PKD1L1: variants seen among roughly 807,000 people sequenced by gnomAD.
The protein encoded by PKD1L1 is polycystin-1-like protein 1.
PKD1L1 carries 236 observed loss-of-function variants against 323.4 expected under a neutral mutation model. The ratio of observed to expected loss-of-function variants is 0.73; its 90% CI spans 0.66 to 0.81. The LOEUF (loss-of-function observed/expected upper bound fraction) is 0.81. Among genes scored for constraint, PKD1L1 ranks in the 40% least tolerant of loss-of-function variants. PKD1L1 has a pLI of 0.00. For missense variants in PKD1L1, 3,320 were observed against 3,508.0 expected (o/e 0.95, Z 1.35); for synonymous variants, 1,344 against 1,335.0 (o/e 1.01, Z -0.15).
chr7:47,876,362 C>A, intron 22 of PKD1L1, 145 bp from the exon 23 acceptor site: 1 of 928,926 alleles, frequency 1.1e-6, no homozygotes, highest in Non-Finnish European at 1.6e-6. Flanking sequence ...GTAAGCAGCA[C>A]TCCCAGCTGC....
At chr7:47,830,206 C>A (rs1785317420) in intron 42 of PKD1L1, 82 bp from the exon 43 acceptor site, 2 of 1,227,490 alleles carry the variant, frequency 1.6e-6, no homozygotes, top group Non-Finnish European at 2.4e-6. Context: ...AGCACAGGGA[C>A]ACTGCCTGAG....
rs749023936 is a variant in PKD1L1 at position 47,839,348 on chromosome 7, A to T, written c.5769+98T>A. 4 of 880,574 alleles carry T rather than the reference A, an allele frequency of 4.5e-6. No homozygotes were observed. The highest frequency in any genetic ancestry group is 7.0e-6 in the Non-Finnish European group (4 of 573,948). The allele number at this position is 880,574 out of a possible 1,614,324, so 54.5% of individuals were successfully genotyped here. ...AGAAAAGAGGAATACACTTTAGAAG[A>T]GTTCAAAGACACAACTGTGGCAAGC... On this transcript the variant is annotated intron_variant, in intron 36 of 56. Coordinates refer to ENST00000289672, the MANE Select transcript of PKD1L1 (RefSeq NM_138295.5). This position sits in a 1 kb window ranked among gnomAD's most constrained non-coding sequence, Gnocchi z 4.3.
chr7:47,816,266 C>T (rs1785016735), intron 46 of PKD1L1, among the ~76,000 whole-genome samples: 1 of 152,186 alleles, frequency 6.6e-6, no homozygotes, highest in Admixed American at 6.5e-5. Flanking sequence ...CAATTAACTT[C>T]TTCATTATGT....
At chr7:47,850,353 C>T (rs557064252) in intron 31 of PKD1L1, among the ~76,000 whole-genome samples, 11 of 152,138 alleles carry the variant, frequency 7.2e-5, no homozygotes, top group Non-Finnish European at 1.2e-4. Flanking sequence ...AAAATGGGGA[C>T]GGGCGCCGTG....
At chr7:47,788,114 T>C (rs1389360988) in intron 56 of PKD1L1, among the ~76,000 whole-genome samples, 2 of 152,088 alleles carry the variant, frequency 1.3e-5, no homozygotes, top group African/African-American at 2.4e-5. Flanking sequence ...ACTTGAGCTA[T>C]ATTCCTATTT....
upstream of PKD1L1, among the ~76,000 whole-genome samples, chr7:47,949,089 G>T (rs1164729559): frequency 6.6e-6 from 1 of 152,004 alleles, no homozygotes; most frequent in Non-Finnish European, 1.5e-5. Flanking sequence ...TGTAACTGTT[G>T]GCTGGGCGCG....
intron 1 of PKD1L1, among the ~76,000 whole-genome samples, chr7:47,948,038 C>A (rs1189159871): frequency 6.6e-6 from 1 of 152,164 alleles, no homozygotes; most frequent in Non-Finnish European, 1.5e-5. Context: ...CTCCTGGTCT[C>A]CATGCAAGGG....
intron 46 of PKD1L1, 67 bp downstream of exon 46, chr7:47,821,009 A>T: frequency 1.1e-6 from 1 of 896,744 alleles, no homozygotes; most frequent in Non-Finnish European, 1.8e-6. Context: ...AAACATGGGG[A>T]AGGTGCACAC....
chr7:47,951,195 C>CA (rs1246056024), upstream of PKD1L1, among the ~76,000 whole-genome samples: 2 of 152,118 alleles, frequency 1.3e-5, no homozygotes, highest in Non-Finnish European at 2.9e-5. Flanking sequence ...CATTTAGAAA[C>CA]AAAGACTCGA....
intron 24 of PKD1L1, among the ~76,000 whole-genome samples, chr7:47,868,480 AC>A (rs766484347): frequency 2.6e-4 from 40 of 152,238 alleles, no homozygotes; most frequent in Non-Finnish European, 4.6e-4. Context: ...ACTTAAAGCC[AC>A]AGGAAGATAT....
rs571756094 is a variant in PKD1L1, at chr7:47,920,195, A to G, written c.1061-4596T>C. Among the ~76,000 whole-genome samples the G allele has an allele frequency of 2.2e-4, 34 of 152,100 alleles. 2 individuals are homozygous for G. In the South Asian group the frequency reaches 6.9e-3, roughly 31 times the overall value. ...GGATACAAAACTAATGTACACAATC[A>G]GTAGGTCTTCTATACATCAACAGAG... On this transcript the variant is annotated intron_variant, in intron 7 of 56. Transcript: ENST00000289672.
intron 2 of PKD1L1, among the ~76,000 whole-genome samples, chr7:47,942,550 G>A (rs914344842): frequency 6.6e-6 from 1 of 150,868 alleles, no homozygotes; most frequent in African/African-American, 2.4e-5. Flanking sequence ...TGTAGCCTAA[G>A]TTGAAAACTC....
In PKD1L1 at chr7:47,905,305, C is replaced by T; in HGVS notation, c.1543G>A (p.Gly515Arg). The change falls in exon 11 of 57, where the codon GGA becomes AGA. Residue 515 changes from glycine to arginine, a missense_variant. Gly to Arg is a moderately radical substitution (Grantham distance 125, BLOSUM62 -2). Transcript: ENST00000289672. ...KMQSVSVYTN[G>R]TVFATDTDIT... is the part of the protein sequence containing the mutation. ...TCTGTGTCTGTGGCAAACACAGTTC[C>T]ATTTGTGTAGACAGAGACGGCTGTG... The T allele has an allele frequency of 1.2e-6, 2 of 1,614,030 alleles. No individual in the cohort carries two copies. The highest frequency in any genetic ancestry group is 1.7e-6 in the Non-Finnish European group (2 of 1,179,964).
the PKD1L1 span, among the ~76,000 whole-genome samples, chr7:47,955,453 C>A: frequency 6.6e-6 from 1 of 151,922 alleles, no homozygotes; most frequent in African/African-American, 2.4e-5. Flanking sequence ...ATAAAAAAAA[C>A]ACTCATAAAT....
intron 24 of PKD1L1, among the ~76,000 whole-genome samples, chr7:47,871,828 G>C (rs1289388680): frequency 6.6e-6 from 1 of 152,112 alleles, no homozygotes; most frequent in Non-Finnish European, 1.5e-5. Context: ...AATATGAAGT[G>C]GTGAAAGACT....
At chr7:47,891,901 C>T (rs1352737706) in intron 15 of PKD1L1, among the ~76,000 whole-genome samples, 1 of 152,194 alleles carries the variant, frequency 6.6e-6, no homozygotes, top group African/African-American at 2.4e-5. Flanking sequence ...GTGCATGAAT[C>T]AAATTGGGGA....
chr7:47,898,267 CTT>C (rs1787004285), intron 13 of PKD1L1, 73 bp from the exon 14 acceptor site: 2 of 1,289,480 alleles, frequency 1.6e-6, no homozygotes, highest in Non-Finnish European at 2.2e-6. Flanking sequence ...TTACTAGAAA[CTT>C]AGTCTTAACT....
At position 47,849,561 on chromosome 7, in the gene PKD1L1, A is replaced by C. The variant is rs1408678083; in HGVS notation, c.4961-2490T>G. On this transcript the variant is annotated intron_variant, in intron 31 of 56. Coordinates refer to ENST00000289672, the MANE Select transcript of PKD1L1 (RefSeq NM_138295.5). Reference sequence around the variant, plus strand: ...GACCTGAACAGACAATTCTCAAAAGAAGATATGTAAATGGCTAAAAAATAC... The same window carrying C: ...GACCTGAACAGACAATTCTCAAAAGCAGATATGTAAATGGCTAAAAAATAC... 2.6e-5 allele frequency among the ~76,000 whole-genome samples: 4 copies of C among 152,196 alleles called. No homozygotes were observed. The East Asian group carries it at 7.7e-4, about 29-fold the overall frequency.
chr7:47,837,544 G>A (rs1785484941), intron 36 of PKD1L1, among the ~76,000 whole-genome samples: 1 of 152,120 alleles, frequency 6.6e-6, no homozygotes. Flanking sequence ...CTTCTCTCCA[G>A]AGCTTCTGAT....
Sources: gnomAD v4.1 joint callset for allele counts (sites outside exome capture counted in the v4.1 genomes callset) on GRCh38, gnomAD v4.1.1 for gene constraint, Gnocchi (gnomAD v3.1) non-coding constraint, MANE v1.5 for transcripts, NCBI Gene and HGNC (gene_info 2026-07-23, HGNC 2026-07-21) for gene names.